The following FAM184A variants were observed in gnomAD, a reference collection of about 807,000 sequenced individuals.
The protein encoded by FAM184A is family with sequence similarity 184 member A, also known as protein FAM184A.
A neutral mutation model predicts 143.8 loss-of-function variants in FAM184A; 99 were observed. The ratio of observed to expected loss-of-function variants is 0.69; its 90% CI spans 0.58 to 0.81. The LOEUF (loss-of-function observed/expected upper bound fraction) is 0.81. Ranked by LOEUF, FAM184A falls within the 40% of genes least tolerant of loss-of-function variation. FAM184A has a pLI of 0.00. For missense variants in FAM184A, 1,217 were observed against 1,310.5 expected (o/e 0.93, Z 1.10); for synonymous variants, 427 against 446.4 (o/e 0.96, Z 0.55).
intron 9 of FAM184A, among the ~76,000 whole-genome samples, chr6:118,986,934 GTTTCT>G (rs1189946211): frequency 6.6e-6 from 1 of 151,970 alleles, no homozygotes. Context: ...AATGTTTGTT[GTTTCT>G]TTTAAGAGAT....
intron 11 of FAM184A, 25 bp from the exon 12 acceptor site, chr6:118,976,069 T>A: frequency 6.2e-7 from 1 of 1,600,606 alleles, no homozygotes; most frequent in East Asian, 2.2e-5. Flanking sequence ...CAAAAATACA[T>A]TTGGCACATT....
At chr6:119,043,555 A>G (rs1198378600) in intron 1 of FAM184A, among the ~76,000 whole-genome samples, 3 of 151,610 alleles carry the variant, frequency 2.0e-5, no homozygotes, top group South Asian at 4.1e-4. Flanking sequence ...AAAACTACCC[A>G]GATCCTTCTC....
rs1283979597 is a variant in FAM184A at position 118,970,003 on chromosome 6, TA to T, written c.2916-3052del. 1.7e-4 allele frequency among the ~76,000 whole-genome samples: 6 copies of T among 34,868 alleles called. 1 individual carries two copies. The East Asian group carries it at 6.2e-3, about 36-fold the overall frequency. 22.9% of individuals were successfully genotyped at this position (34,868 alleles called of 152,430 possible). A position where few individuals can be genotyped will look rare whatever the true frequency, so the allele number is the denominator to read the frequency against. Reference sequence around the variant, plus strand: ...GGTGTATATATATATAATATATATATATATATTTTTTTTTTTTTGAGATGGA... The same window carrying T: ...GGTGTATATATATATAATATATATATTATATTTTTTTTTTTTTGAGATGGA... On this transcript the variant is annotated intron_variant, in intron 14 of 17. Coordinates refer to ENST00000338891, the MANE Select transcript of FAM184A (RefSeq NM_024581.6).
intron 1 of FAM184A, among the ~76,000 whole-genome samples, chr6:119,060,284 T>TAGC (rs1787179626): frequency 6.6e-6 from 1 of 152,204 alleles, no homozygotes; most frequent in East Asian, 1.9e-4. Context: ...GATACTGTTT[T>TAGC]CTTGCTGGCA....
intron 16 of FAM184A, chr6:118,962,206 G>A: frequency 2.0e-6 from 1 of 510,486 alleles, no homozygotes; most frequent in South Asian, 2.2e-5. Flanking sequence ...GAAACATTTA[G>A]GAGTCATTCA....
chr6:119,129,630 G>T (rs1789475192), intron 1 of FAM184A, among the ~76,000 whole-genome samples: 1 of 151,756 alleles, frequency 6.6e-6, no homozygotes, highest in Non-Finnish European at 1.5e-5. Context: ...TGTAATTAGA[G>T]AAATTTCTAG....
Position 118,960,119 on chromosome 6 carries a change from C to T in FAM184A, c.3407G>A (p.Arg1136Gln), listed in dbSNP as rs371190313. 4.3e-6 allele frequency: 7 copies of T among 1,613,022 alleles called. No individual in the cohort carries two copies. Among genetic ancestry groups the T allele is most frequent in the African/African-American group, 2.7e-5 (2 of 74,868 alleles). ...ACAATTCTTTCAGAATGTGAAGTAC[C>T]GGGCAAACCACTCCTGGCGCTGGGG... Reference protein sequence around the residue: ...PDPQRQEWFARYFTF With the variant: ...PDPQRQEWFAQYFTF The change falls in exon 18 of 18, where the codon CGG (arginine) becomes CAG (glutamine). Residue 1136 changes from arginine to glutamine, a missense_variant. Coordinates refer to ENST00000338891, the MANE Select transcript of FAM184A (RefSeq NM_024581.6).
At chr6:118,963,252 C>A (rs958702214) in intron 16 of FAM184A, 2 of 151,938 alleles carry the variant, frequency 1.3e-5, no homozygotes, top group African/African-American at 4.8e-5. Context: ...TGGTAAAGTT[C>A]TACAGTAATC....
At chr6:119,127,248 G>T (rs1789394225) in intron 1 of FAM184A, among the ~76,000 whole-genome samples, 1 of 152,106 alleles carries the variant, frequency 6.6e-6, no homozygotes, top group African/African-American at 2.4e-5. Context: ...AACTGATTTG[G>T]GCCTCAAATT....
chr6:119,011,181 A>G (rs1396349013), intron 6 of FAM184A, 128 bp downstream of exon 6: 4 of 753,042 alleles, frequency 5.3e-6, no homozygotes, highest in Admixed American at 7.0e-5. Context: ...CACCAATTAA[A>G]GTTTTTAAAT....
At chr6:119,119,161 C>T (rs758383081) in intron 1 of FAM184A, among the ~76,000 whole-genome samples, 6 of 152,142 alleles carry the variant, frequency 3.9e-5, no homozygotes, top group Admixed American at 6.5e-5. Flanking sequence ...CCCTGTCTCC[C>T]GATAAGATGT....
intron 6 of FAM184A, 36 bp downstream of exon 6, chr6:119,011,273 T>C: frequency 6.4e-7 from 1 of 1,570,834 alleles, no homozygotes; most frequent in Non-Finnish European, 8.7e-7. Context: ...ATTATTAAAA[T>C]CTATAACATA....
In FAM184A at chr6:118,989,801, C is replaced by CATTTATTTATTT. The variant is rs149164113; in HGVS notation, c.2089-9463_2089-9452dup. 5.5e-3 allele frequency among the ~76,000 whole-genome samples: 796 copies of CATTTATTTATTT among 144,866 alleles called. 2 individuals are homozygous for CATTTATTTATTT. The highest frequency in any genetic ancestry group is 9.1e-3 in the African/African-American group (357 of 39,234). On this transcript the variant is annotated intron_variant, in intron 9 of 17. Coordinates refer to ENST00000338891, the MANE Select transcript of FAM184A (RefSeq NM_024581.6). ...AGAACTTTTAGTTGTAGTATTTTTA[C>CATTTATTTATTT]ATTTATTTATTTATTTATTTATTTA...
intron 14 of FAM184A, among the ~76,000 whole-genome samples, chr6:118,973,488 T>A (rs1185866662): frequency 6.6e-6 from 1 of 152,192 alleles, no homozygotes; most frequent in African/African-American, 2.4e-5. Flanking sequence ...TGATGTAGAA[T>A]AAGGCACATT....
At chr6:119,134,535 T>C (rs1789611392) in intron 1 of FAM184A, among the ~76,000 whole-genome samples, 1 of 151,232 alleles carries the variant, frequency 6.6e-6, no homozygotes, top group Non-Finnish European at 1.5e-5. Context: ...ACACATGTAA[T>C]CCCAGCTACT....
At chr6:119,015,760 G>A in intron 5 of FAM184A, among the ~76,000 whole-genome samples, 1 of 152,260 alleles carries the variant, frequency 6.6e-6, no homozygotes, top group Non-Finnish European at 1.5e-5. Context: ...CCCGGTGCGG[G>A]ATCCACTAGG....
intron 1 of FAM184A, among the ~76,000 whole-genome samples, chr6:119,073,123 T>C (rs1787752889): frequency 6.6e-6 from 1 of 152,212 alleles, no homozygotes; most frequent in Admixed American, 6.5e-5. Flanking sequence ...TTTGCATTAT[T>C]AAGTATCAAG....
intron 1 of FAM184A, among the ~76,000 whole-genome samples, chr6:119,090,476 A>G (rs1425016424): frequency 6.6e-6 from 1 of 152,212 alleles, no homozygotes; most frequent in East Asian, 1.9e-4. Context: ...ATGCATAGGA[A>G]CTGTCCAACA....
intron 9 of FAM184A, among the ~76,000 whole-genome samples, chr6:118,991,856 G>A (rs1784390523): frequency 6.8e-6 from 1 of 146,714 alleles, no homozygotes; most frequent in Non-Finnish European, 1.5e-5. Flanking sequence ...TCCGCCTCCC[G>A]GGTTCATGTC....
Sources: allele counts gnomAD v4.1 joint callset (sites outside exome capture counted in the v4.1 genomes callset), GRCh38; gene constraint gnomAD v4.1.1; transcripts MANE v1.5; gene names NCBI Gene and HGNC (gene_info 2026-07-23, HGNC 2026-07-21).